The following MAF variants were observed in gnomAD, a reference collection of about 807,000 sequenced individuals.
The protein encoded by MAF is transcription factor Maf.
MAF carries 10 observed loss-of-function variants against 22.0 expected under a neutral mutation model. That is an observed-to-expected ratio of 0.45 (90% CI 0.28 to 0.77). The LOEUF (loss-of-function observed/expected upper bound fraction) is 0.77. Among genes scored for constraint, MAF ranks in the 30% least tolerant of loss-of-function variants. The pLI is 0.12. For synonymous variants in MAF, 337 were observed against 255.8 expected (o/e 1.32, Z -3.03); for missense variants, 544 against 548.4 (o/e 0.99, Z 0.08).
the MAF span, among the ~76,000 whole-genome samples, chr16:79,468,214 G>T: frequency 1.3e-5 from 2 of 152,146 alleles, no homozygotes; most frequent in African/African-American, 4.8e-5. Flanking sequence ...AGGTGAAATG[G>T]GGTGAGCTCC....
the MAF span, among the ~76,000 whole-genome samples, chr16:79,498,169 A>G: frequency 6.6e-6 from 1 of 152,198 alleles, no homozygotes; most frequent in Non-Finnish European, 1.5e-5. Context: ...TAGCTCCAGT[A>G]CTTGGGCACA....
downstream of MAF, among the ~76,000 whole-genome samples, chr16:79,584,071 T>C (rs779346019): frequency 6.6e-6 from 1 of 152,172 alleles, no homozygotes; most frequent in Non-Finnish European, 1.5e-5. Context: ...TTTTGTAATA[T>C]GTCCAAGAAC....
chr16:79,416,567 T>C, the MAF span, among the ~76,000 whole-genome samples: 1 of 150,106 alleles, frequency 6.7e-6, no homozygotes, highest in Non-Finnish European at 1.5e-5. Flanking sequence ...AAGCTGAAAG[T>C]TTTAAATATC....
At chr16:79,413,814 G>A in the MAF span, among the ~76,000 whole-genome samples, 2 of 152,202 alleles carry the variant, frequency 1.3e-5, no homozygotes, top group Admixed American at 6.5e-5. Flanking sequence ...CAGGGGAAGG[G>A]TGGTTTTGTG....
At chr16:79,456,857 A>T in the MAF span, among the ~76,000 whole-genome samples, 3 of 152,160 alleles carry the variant, frequency 2.0e-5, no homozygotes, top group Non-Finnish European at 4.4e-5. Context: ...CCCTATTTAT[A>T]TGCAAACACA....
At chr16:79,549,845 T>A in the MAF span, among the ~76,000 whole-genome samples, 17,274 of 152,156 alleles carry the variant, frequency 0.11, 1,131 homozygotes, top group South Asian at 0.17. Context: ...TGGCACCTTA[T>A]GAAGTGATCA....
At chr16:79,444,323 C>G in the MAF span, among the ~76,000 whole-genome samples, 3 of 151,996 alleles carry the variant, frequency 2.0e-5, no homozygotes, top group Non-Finnish European at 4.4e-5. Flanking sequence ...AGTCTACTTT[C>G]AGAAATCTCA....
the MAF span, among the ~76,000 whole-genome samples, chr16:79,433,305 T>C: frequency 1.3e-5 from 2 of 149,124 alleles, no homozygotes; most frequent in African/African-American, 2.4e-5. Flanking sequence ...TATAATACTA[T>C]GACCAGAAAA....
the MAF span, among the ~76,000 whole-genome samples, chr16:79,326,615 A>G: frequency 6.6e-6 from 1 of 152,212 alleles, no homozygotes; most frequent in East Asian, 1.9e-4. Context: ...GATAACAAAT[A>G]TTTTAGGCTC....
chr16:79,343,982 G>T, the MAF span, among the ~76,000 whole-genome samples: 1 of 152,144 alleles, frequency 6.6e-6, no homozygotes, highest in African/African-American at 2.4e-5. Flanking sequence ...GTTCCTATCT[G>T]CTCTCTAGAT....
At chr16:79,501,370 A>C in the MAF span, among the ~76,000 whole-genome samples, 1 of 152,140 alleles carries the variant, frequency 6.6e-6, no homozygotes, top group Non-Finnish European at 1.5e-5. Context: ...TTACATCTGC[A>C]ACAACTTTAT....
At chr16:79,238,721 T>A in the MAF span, among the ~76,000 whole-genome samples, 1 of 152,062 alleles carries the variant, frequency 6.6e-6, no homozygotes, top group African/African-American at 2.4e-5. Context: ...TGGGATATAC[T>A]TCTGCTGAAA....
At chr16:79,595,700 G>A in intron 1 of MAF, 3 of 1,058,030 alleles carry the variant, frequency 2.8e-6, no homozygotes, top group Non-Finnish European at 1.1e-6. Context: ...GTAAATCAAA[G>A]CACAGCCTAT....
the MAF span, among the ~76,000 whole-genome samples, chr16:79,378,425 C>T: frequency 6.6e-6 from 1 of 152,120 alleles, no homozygotes; most frequent in African/African-American, 2.4e-5. Flanking sequence ...CTTGGCGAAA[C>T]AAAGCTGTTC....
the MAF span, among the ~76,000 whole-genome samples, chr16:79,227,225 C>A: frequency 1.3e-5 from 2 of 152,020 alleles, no homozygotes; most frequent in African/African-American, 4.8e-5. Context: ...GCGGCACACA[C>A]CTGTGGTCCC....
At chr16:79,427,476 A>G in the MAF span, among the ~76,000 whole-genome samples, 1 of 152,100 alleles carries the variant, frequency 6.6e-6, no homozygotes, top group Non-Finnish European at 1.5e-5. Flanking sequence ...TTGCCTATTT[A>G]TTTATTTGGA....
chr16:79,308,444 A>C, the MAF span, among the ~76,000 whole-genome samples: 6 of 152,106 alleles, frequency 3.9e-5, no homozygotes, highest in Non-Finnish European at 7.3e-5. Flanking sequence ...AACCTCAATG[A>C]GCCTCTGCTT....
the MAF span, among the ~76,000 whole-genome samples, chr16:79,300,105 G>A: frequency 6.6e-6 from 1 of 152,208 alleles, no homozygotes; most frequent in Non-Finnish European, 1.5e-5. Flanking sequence ...TTGGTCATGG[G>A]AGGATCAAGT....
At chr16:79,480,428 C>A in the MAF span, among the ~76,000 whole-genome samples, 1 of 151,808 alleles carries the variant, frequency 6.6e-6, no homozygotes, top group African/African-American at 2.4e-5. Context: ...CAGATTGAGA[C>A]AAGCAAGGGA....
Sources: gnomAD v4.1 joint callset for allele counts (sites outside exome capture counted in the v4.1 genomes callset) on GRCh38, gnomAD v4.1.1 for gene constraint, MANE v1.5 for transcripts, NCBI Gene and HGNC (gene_info 2026-07-23, HGNC 2026-07-21) for gene names.